MFSD2B: variants seen among roughly 807,000 people sequenced by gnomAD.
MFSD2B encodes sphingosine-1-phosphate transporter MFSD2B.
MFSD2B carries 56 observed loss-of-function variants against 58.4 expected under a neutral mutation model. That is an observed-to-expected ratio of 0.96 (90% CI 0.77 to 1.20). The LOEUF (loss-of-function observed/expected upper bound fraction) is 1.20, where lower values mean the gene tolerates loss of function less well. MFSD2B is among the 50% of genes most tolerant of loss of function. The pLI is 0.00. For synonymous variants in MFSD2B, 287 were observed against 294.4 expected (o/e 0.97, Z 0.26); for missense variants, 645 against 667.6 (o/e 0.97, Z 0.37).
At chr2:24,018,936 C>T (rs543110412) in intron 6 of MFSD2B, among the ~76,000 whole-genome samples, 9 of 151,212 alleles carry the variant, frequency 6.0e-5, no homozygotes, top group Non-Finnish European at 1.0e-4. Context: ...CTGCAACCTC[C>T]GTCTCCCGGA....
At position 24,022,641 on chromosome 2, in the gene MFSD2B, C is replaced by A; in HGVS notation, c.978+125C>A. On this transcript the variant is annotated intron_variant, in intron 9 of 13. Coordinates refer to ENST00000338315, the MANE Select transcript of MFSD2B (RefSeq NM_001346880.2). This position sits in a 1 kb window ranked among gnomAD's most constrained non-coding sequence, Gnocchi z 4.5. ...TCAACATTTTGGACTTTGCTTTGGTCTTGGTCACCTGCATTCCAGCAGAGG... is the reference window on the plus strand; with the variant it reads ...TCAACATTTTGGACTTTGCTTTGGTATTGGTCACCTGCATTCCAGCAGAGG... The A allele has an allele frequency of 2.2e-6, 2 of 897,158 alleles. No individual in the cohort carries two copies. The highest frequency in any genetic ancestry group is 3.4e-6 in the Non-Finnish European group (2 of 588,334). The allele number at this position is 897,158 out of a possible 1,614,324, so 55.6% of individuals were successfully genotyped here.
intron 1 of MFSD2B, among the ~76,000 whole-genome samples, chr2:24,011,247 G>A (rs1468105443): frequency 6.6e-6 from 1 of 152,158 alleles, no homozygotes; most frequent in South Asian, 2.1e-4. Context: ...TCCTCAAGAC[G>A]GCAAGATGGG....
In MFSD2B at chr2:24,023,413, AG is replaced by A; in HGVS notation, c.1170-165del. The A allele has an allele frequency of 1.1e-6, 1 of 876,344 alleles. No individual in the cohort carries two copies. Among genetic ancestry groups the A allele is most frequent in the Non-Finnish European group, 1.7e-6 (1 of 573,272 alleles). The allele number at this position is 876,344 out of a possible 1,614,324, so 54.3% of individuals were successfully genotyped here. A position where few individuals can be genotyped will look rare whatever the true frequency, so the allele number is the denominator to read the frequency against. ...GCAGTAGGAATGGCGGGGGGCCGGC[AG>A]GGGGCTGGCGGGGGGTACGAGCACA... On this transcript the variant is annotated intron_variant, in intron 11 of 13. Transcript: ENST00000338315. This position sits in a 1 kb window ranked among gnomAD's most constrained non-coding sequence, Gnocchi z 5.0.
In MFSD2B at chr2:24,021,199, T is replaced by C. The variant is rs749004794; in HGVS notation, c.682-449T>C. ...AGGCATGAGCCACCGCGCCCGGCCC[T>C]GCTTCCTCCATTAATCTGAGTCACC... On this transcript the variant is annotated intron_variant, in intron 6 of 13. Transcript: ENST00000338315. This position sits in a 1 kb window ranked among gnomAD's most constrained non-coding sequence, Gnocchi z 5.7. Among the ~76,000 whole-genome samples, 2 of 152,196 alleles carry C rather than the reference T, an allele frequency of 1.3e-5. No homozygotes were observed. Among genetic ancestry groups the C allele is most frequent in the Admixed American group, 6.6e-5 (1 of 15,266 alleles).
chr2:24,010,145 C>A lies in MFSD2B; in HGVS notation c.49C>A (p.Pro17Thr). ...PAAKGSPQPE[P>T]HAPEPGPGSA... ...CGCCAAGGGGTCCCCGCAGCCGGAG[C>A]CGCACGCCCCAGAGCCCGGCCCGGG... Residue 17 changes from proline to threonine, a missense_variant, in exon 1 of 14, where the codon CCG becomes ACG. Physicochemically the swap from Pro to Thr is conservative, Grantham distance 38. Transcript: ENST00000338315. 2.7e-6 allele frequency: 4 copies of A among 1,463,764 alleles called. No homozygotes were observed. The highest frequency in any genetic ancestry group is 3.6e-6 in the Non-Finnish European group (4 of 1,114,282). 90.7% of individuals were successfully genotyped at this position (1,463,764 alleles called of 1,614,324 possible).
chr2:24,010,258 A>G, intron 1 of MFSD2B, 66 bp downstream of exon 1: 3 of 1,223,744 alleles, frequency 2.5e-6, no homozygotes, highest in Non-Finnish European at 3.1e-6. Context: ...GTCGCCTCGC[A>G]GCCCCTTTTC....
chr2:24,025,183 G>A (rs997266450), intron 13 of MFSD2B, among the ~76,000 whole-genome samples: 3 of 152,172 alleles, frequency 2.0e-5, no homozygotes, highest in Non-Finnish European at 1.5e-5. Flanking sequence ...TGACGGCCTC[G>A]GGCTCTGCAG....
chr2:24,015,997 C>A (rs1353352161), intron 2 of MFSD2B, among the ~76,000 whole-genome samples, 159 bp from the exon 3 acceptor site: 2 of 152,186 alleles, frequency 1.3e-5, no homozygotes, highest in Non-Finnish European at 2.9e-5. Flanking sequence ...GACTCAGCCC[C>A]GGGATCAGCA....
rs878992639 is a variant in MFSD2B, at chr2:24,017,043, T to G, written c.471+75T>G. 1.3e-6 allele frequency: 2 copies of G among 1,573,630 alleles called. No homozygotes were observed. Among genetic ancestry groups the G allele is most frequent in the Middle Eastern group, 4.3e-4 (2 of 4,622 alleles). On this transcript the variant is annotated intron_variant, in intron 4 of 13. Transcript: ENST00000338315. This position sits in a 1 kb window ranked among gnomAD's most constrained non-coding sequence, Gnocchi z 4.8. ...GCCATGGCCACTCTGAAGTGTGCTG[T>G]GGGGGCAGGGCTGCCGCCCTCCCCA...
Position 24,010,102 on chromosome 2 carries a change from G to A in MFSD2B, c.6G>A (p.Ala2=). 1.4e-6 allele frequency: 2 copies of A among 1,434,762 alleles called. No individual in the cohort carries two copies. The highest frequency in any genetic ancestry group is 2.8e-5 in the Admixed American group (1 of 36,316). The allele number at this position is 1,434,762 out of a possible 1,614,324, so 88.9% of individuals were successfully genotyped here. A position where few individuals can be genotyped will look rare whatever the true frequency, so the allele number is the denominator to read the frequency against. The change falls in exon 1 of 14, where the codon GCG becomes GCA. Residue 2 remains alanine, a synonymous_variant. Transcript: ENST00000338315. The part of the protein sequence containing the change: M[A]APPAPAAKGS... ...CGGGCGGCGCTGCGGTGGCAATGGC[G>A]GCGCCCCCTGCACCAGCCGCCAAGG...
intron 1 of MFSD2B, among the ~76,000 whole-genome samples, chr2:24,011,822 C>T (rs1468541377): frequency 2.0e-5 from 3 of 151,996 alleles, no homozygotes; most frequent in African/African-American, 4.8e-5. Flanking sequence ...ATATAGCAGG[C>T]GGTAAGTACA....
At chr2:24,010,577 C>G (rs945254013) in intron 1 of MFSD2B, among the ~76,000 whole-genome samples, 1 of 152,216 alleles carries the variant, frequency 6.6e-6, no homozygotes, top group African/African-American at 2.4e-5. Flanking sequence ...CTGCTGTGGC[C>G]TCGGCCTCCC....
Position 24,024,240 on chromosome 2 carries a change from C to T in MFSD2B, c.1459C>T (p.Arg487Trp), listed in dbSNP as rs753737425. ...MVGSTPKTPSRDASSRLSLRR... is the reference protein window; with the variant it reads ...MVGSTPKTPSWDASSRLSLRR... Reference sequence around the variant, plus strand: ...CGGCTCCACTCCAAAGACACCCAGTCGGGACGCCTCCAGCCGGCTGAGCCT... The same window carrying T: ...CGGCTCCACTCCAAAGACACCCAGTTGGGACGCCTCCAGCCGGCTGAGCCT... The change falls in exon 13 of 14, where the codon CGG becomes TGG. Residue 487 changes from arginine (R) to tryptophan (W), a missense_variant. Physicochemically the swap from Arg to Trp is moderately radical, Grantham distance 101 (BLOSUM62 -3). Transcript: ENST00000338315. This position sits in a 1 kb window ranked among gnomAD's most constrained non-coding sequence, Gnocchi z 4.3. The T allele has an allele frequency of 6.8e-6, 11 of 1,610,974 alleles. No homozygotes were observed. The highest frequency in any genetic ancestry group is 2.2e-5 in the East Asian group (1 of 44,798).
At position 24,017,275 on chromosome 2, in the gene MFSD2B, C is replaced by T. The variant is rs371675677; in HGVS notation, c.472-11C>T. On this transcript the variant is annotated splice_polypyrimidine_tract_variant and intron_variant, in intron 4 of 13. Transcript: ENST00000338315. This position sits in a 1 kb window ranked among gnomAD's most constrained non-coding sequence, Gnocchi z 4.8. ...AGCTGGGGGCGGTTCTAAGCTCTGC[C>T]GACGCCCCAGTTCTTCCAGGTGCCC... The T allele has an allele frequency of 3.2e-5, 51 of 1,588,280 alleles. No individual in the cohort carries two copies. Among genetic ancestry groups the T allele is most frequent in the Non-Finnish European group, 4.0e-5 (47 of 1,168,346 alleles).
rs916293870 is a variant in MFSD2B, at chr2:24,020,378, C to G, written c.682-1270C>G. 2.6e-5 allele frequency among the ~76,000 whole-genome samples: 4 copies of G among 152,140 alleles called. No individual in the cohort carries two copies. Among genetic ancestry groups the G allele is most frequent in the African/African-American group, 9.7e-5 (4 of 41,424 alleles). On this transcript the variant is annotated intron_variant, in intron 6 of 13. Coordinates refer to ENST00000338315, the MANE Select transcript of MFSD2B (RefSeq NM_001346880.2). This position sits in a 1 kb window ranked among gnomAD's most constrained non-coding sequence, Gnocchi z 4.1. ...AGAGCATTGAACCCCAGAGGCAGTG[C>G]CCTCCAGAGCATGAGGCCCAGGGCG... is the stretch of plus-strand genomic sequence containing the variant.
chr2:24,013,788 A>G (rs1194871599), intron 2 of MFSD2B, among the ~76,000 whole-genome samples: 1 of 146,756 alleles, frequency 6.8e-6, no homozygotes, highest in Non-Finnish European at 1.5e-5. Flanking sequence ...CTCATTAGCT[A>G]TCATTAGTGT....
In MFSD2B at chr2:24,024,359, G is replaced by A. The variant is rs1662908618; in HGVS notation, c.1490+88G>A. On this transcript the variant is annotated intron_variant, in intron 13 of 13. Coordinates refer to ENST00000338315, the MANE Select transcript of MFSD2B (RefSeq NM_001346880.2). The surrounding 1 kb of genome is among the most constrained non-coding windows in gnomAD (Gnocchi z 4.3). ...ACACCAGCCTGCAGACATCCCTGCT[G>A]TGTCACACAGTCCTGCCTCTGGGAC... 26 of 1,336,018 alleles carry A rather than the reference G, an allele frequency of 1.9e-5. No individual in the cohort carries two copies. In the South Asian group the frequency reaches 3.3e-4, roughly 17 times the overall value. The allele number at this position is 1,336,018 out of a possible 1,614,324, so 82.8% of individuals were successfully genotyped here. A position where few individuals can be genotyped will look rare whatever the true frequency, so the allele number is the denominator to read the frequency against.
rs1662749950 is a variant in MFSD2B at position 24,020,846 on chromosome 2, C to G, written c.682-802C>G. On this transcript the variant is annotated intron_variant, in intron 6 of 13. Coordinates refer to ENST00000338315, the MANE Select transcript of MFSD2B (RefSeq NM_001346880.2). The surrounding 1 kb of genome is among the most constrained non-coding windows in gnomAD (Gnocchi z 4.1). ...CTTCCCAAAGAGCTGGAATGACAGG[C>G]ATGAGCCACCGTGCCTGTCCCTGCT... Among the ~76,000 whole-genome samples, 1 of 152,126 alleles carries G rather than the reference C, an allele frequency of 6.6e-6. No individual in the cohort carries two copies. The highest frequency in any genetic ancestry group is 2.1e-4 in the South Asian group (1 of 4,824).
rs534069855 is a variant in MFSD2B at position 24,020,167 on chromosome 2, G to C, written c.682-1481G>C. Among the ~76,000 whole-genome samples the C allele has an allele frequency of 1.3e-5, 2 of 152,192 alleles. No individual in the cohort carries two copies. The highest frequency in any genetic ancestry group is 2.4e-5 in the African/African-American group (1 of 41,448). On this transcript the variant is annotated intron_variant, in intron 6 of 13. Transcript: ENST00000338315. The surrounding 1 kb of genome is among the most constrained non-coding windows in gnomAD (Gnocchi z 4.1). ...TGTGTGGTCCTTGATGTGACACAAGGGTTGGGGAAGGGAAAGTATCAAGGA... is the reference window on the plus strand; with the variant it reads ...TGTGTGGTCCTTGATGTGACACAAGCGTTGGGGAAGGGAAAGTATCAAGGA...
Sources: gnomAD v4.1 joint callset for allele counts (sites outside exome capture counted in the v4.1 genomes callset) on GRCh38, gnomAD v4.1.1 for gene constraint, Gnocchi (gnomAD v3.1) non-coding constraint, MANE v1.5 for transcripts, NCBI Gene and HGNC (gene_info 2026-07-23, HGNC 2026-07-21) for gene names.